Variants in AARS1 observed in about 807,000 individuals in gnomAD.
The protein encoded by AARS1 is alanyl-tRNA synthetase 1, also known as alanine--tRNA ligase, cytoplasmic.
AARS1 carries 72 observed loss-of-function variants against 108.9 expected under a neutral mutation model. The ratio of observed to expected loss-of-function variants is 0.66; its 90% CI spans 0.55 to 0.80. The LOEUF is 0.80. Among genes scored for constraint, AARS1 ranks in the 30% least tolerant of loss-of-function variants. AARS1 has a pLI of 0.00. For synonymous variants in AARS1, 489 were observed against 465.7 expected (o/e 1.05, Z -0.64); for missense variants, 1,193 against 1,233.2 (o/e 0.97, Z 0.49).
At chr16:70,255,628 A>G in intron 16 of AARS1, 100 bp downstream of exon 16, 1 of 1,094,164 alleles carries the variant, frequency 9.1e-7, no homozygotes, top group Non-Finnish European at 1.4e-6. Context: ...TTTCACTCTG[A>G]CTGCAGCAGC....
rs757167895 is a variant in AARS1, at chr16:70,277,087, T to C, written c.212A>G (p.Asn71Ser). 5 of 1,614,168 alleles carry C rather than the reference T, an allele frequency of 3.1e-6. No homozygotes were observed. Among genetic ancestry groups the C allele is most frequent in the Non-Finnish European group, 4.2e-6 (5 of 1,180,026 alleles). The change falls in exon 3 of 21, where the codon AAT (asparagine) becomes AGT (serine). Residue 71 changes from asparagine (N) to serine (S), a missense_variant. By Grantham distance (46) the Asn-to-Ser change is conservative (BLOSUM62 1). Coordinates refer to ENST00000261772, the MANE Select transcript of AARS1 (RefSeq NM_001605.3). ...HPMAKLSRAA[N>S]TQKCIRAGGK... ...CCCAGCCCGGATGCACTTCTGGGTA[T>C]TGGCAGCTCTGCTCAGCTTTGCCAT...
At chr16:70,276,853 A>T in intron 3 of AARS1, 113 bp downstream of exon 3, 1 of 1,312,198 alleles carries the variant, frequency 7.6e-7, no homozygotes, top group Middle Eastern at 2.1e-4. Flanking sequence ...TTCATTCCTG[A>T]ATCACCTAGA....
chr16:70,254,224 G>C (rs933124241), intron 17 of AARS1, among the ~76,000 whole-genome samples, 186 bp from the exon 18 acceptor site: 69 of 152,228 alleles, frequency 4.5e-4, no homozygotes, highest in African/African-American at 1.6e-3. Flanking sequence ...AGAGAGAAAG[G>C]AGCAGCAGAA....
Position 70,279,295 on chromosome 16 carries a change from G to C in AARS1, c.145-2141C>G, listed in dbSNP as rs1038157144. ...GAACCTGGGAGGCAGAGGTTGCAGT[G>C]AGCTGAGATTGCGTCACTGAATTCC... On this transcript the variant is annotated intron_variant, in intron 2 of 20. Transcript: ENST00000261772. Among the ~76,000 whole-genome samples, 8 of 141,380 alleles carry C rather than the reference G, an allele frequency of 5.7e-5. No homozygotes were observed. In the East Asian group the frequency reaches 1.1e-3, roughly 20 times the overall value. The allele number at this position is 141,380 out of a possible 152,430, so 92.8% of individuals were successfully genotyped here. A position where few individuals can be genotyped will look rare whatever the true frequency, so the allele number is the denominator to read the frequency against.
At chr16:70,288,098 C>CT (rs34369477) in intron 1 of AARS1, among the ~76,000 whole-genome samples, 13,547 of 83,908 alleles carry the variant, frequency 0.16, 1,381 homozygotes, top group South Asian at 0.24. Context: ...TCCCCTTCTT[C>CT]TTTTTTTTTT....
chr16:70,257,427 A>C (rs762305381), intron 15 of AARS1, among the ~76,000 whole-genome samples: 11 of 151,766 alleles, frequency 7.2e-5, no homozygotes, highest in Non-Finnish European at 1.6e-4. Flanking sequence ...AAAAACAAAC[A>C]AAAAAAACCA....
intron 2 of AARS1, 58 bp downstream of exon 2, chr16:70,282,562 C>G: frequency 6.2e-7 from 1 of 1,604,138 alleles, no homozygotes; most frequent in Non-Finnish European, 8.5e-7. Flanking sequence ...GTGCTTTTAT[C>G]TGGGCTCTGC....
intron 5 of AARS1, among the ~76,000 whole-genome samples, chr16:70,271,320 G>C (rs1310810837): frequency 1.3e-5 from 2 of 152,030 alleles, no homozygotes; most frequent in African/African-American, 4.8e-5. Context: ...CCTGAGGTTG[G>C]GAGTTCGAGA....
chr16:70,275,537 C>A (rs1384187631), intron 4 of AARS1, among the ~76,000 whole-genome samples: 1 of 151,368 alleles, frequency 6.6e-6, no homozygotes, highest in Non-Finnish European at 1.5e-5. Flanking sequence ...CCGAGGCAGG[C>A]GGATCACGAG....
At chr16:70,259,617 G>C (rs763680202) in intron 13 of AARS1, among the ~76,000 whole-genome samples, 3 of 151,890 alleles carry the variant, frequency 2.0e-5, no homozygotes, top group Non-Finnish European at 4.4e-5. Flanking sequence ...CAAGTAGCTG[G>C]GACTACAGGC....
chr16:70,259,038 G>C lies in AARS1; in HGVS notation c.1934C>G (p.Ser645Cys). Residue 645 changes from serine (S) to cysteine (C), a missense_variant, in exon 14 of 21, where the codon TCC (serine) becomes TGC (cysteine). By Grantham distance (112) the Ser-to-Cys change is moderately radical (BLOSUM62 -1). Transcript: ENST00000261772. Reference protein sequence around the residue: ...RFDFTAKGAMSTQQIKKAEEI... With the variant: ...RFDFTAKGAMCTQQIKKAEEI... ...TTCAGCCTTCTTGATCTGTTGGGTGGACATGGCTCCCTTGGCAGTAAAGTC... is the reference window on the plus strand; with the variant it reads ...TTCAGCCTTCTTGATCTGTTGGGTGCACATGGCTCCCTTGGCAGTAAAGTC... 1 of 1,614,166 alleles carries C rather than the reference G, an allele frequency of 6.2e-7. No homozygotes were observed. Among genetic ancestry groups the C allele is most frequent in the Non-Finnish European group, 8.5e-7 (1 of 1,180,034 alleles).
chr16:70,286,760 G>A (rs1221091033), intron 1 of AARS1, among the ~76,000 whole-genome samples: 4 of 151,686 alleles, frequency 2.6e-5, no homozygotes, highest in African/African-American at 7.3e-5. Context: ...CAGGAGAATC[G>A]CTTGAACCTG....
At chr16:70,276,776 A>G in intron 3 of AARS1, 145 bp from the exon 4 acceptor site, 1 of 1,192,620 alleles carries the variant, frequency 8.4e-7, no homozygotes, top group East Asian at 2.5e-5. Flanking sequence ...TAAGAAATCC[A>G]AATATATACT....
chr16:70,272,574 G>T (rs957136890), intron 4 of AARS1, among the ~76,000 whole-genome samples: 1 of 145,620 alleles, frequency 6.9e-6, no homozygotes, highest in Non-Finnish European at 1.5e-5. Flanking sequence ...TCTCAAGAGT[G>T]CCTACAATAG....
intron 10 of AARS1, 169 bp from the exon 11 acceptor site, chr16:70,265,271 T>C (rs1960235429): frequency 5.9e-6 from 6 of 1,023,828 alleles, no homozygotes; most frequent in East Asian, 5.1e-5. Context: ...GAAACTTCTC[T>C]TGCAGTGTGG....
chr16:70,285,233 A>C (rs1298042988), intron 1 of AARS1, among the ~76,000 whole-genome samples: 1 of 152,092 alleles, frequency 6.6e-6, no homozygotes, highest in African/African-American at 2.4e-5. Context: ...CGTCTAAAAA[A>C]AAAAAAAAAG....
intron 4 of AARS1, among the ~76,000 whole-genome samples, chr16:70,275,470 A>T (rs998721094): frequency 7.5e-5 from 11 of 147,088 alleles, no homozygotes; most frequent in Non-Finnish European, 1.2e-4. Context: ...TATATATATA[A>T]AAAAACAATT....
In AARS1 at chr16:70,282,759, TC is replaced by T; in HGVS notation, c.4del (p.Asp2ThrfsTer4). 1.9e-6 allele frequency: 3 copies of T among 1,613,420 alleles called. No homozygotes were observed. The highest frequency in any genetic ancestry group is 2.5e-6 in the Non-Finnish European group (3 of 1,179,908). On this transcript the variant is annotated frameshift_variant, in exon 2 of 21. Coordinates refer to ENST00000261772, the MANE Select transcript of AARS1 (RefSeq NM_001605.3). LOFTEE classifies it high-confidence loss of function. M[D>X]STLTASEIRQ... is the part of the protein sequence containing the mutation. ...GATTTCACTTGCTGTTAGAGTAGAGTCCATCTTGAAAGTCACCCCAAAGAAC... is the reference window on the plus strand; with the variant it reads ...GATTTCACTTGCTGTTAGAGTAGAGTCATCTTGAAAGTCACCCCAAAGAAC...
At chr16:70,264,868 G>T in intron 11 of AARS1, 90 bp downstream of exon 11, 3 of 1,531,214 alleles carry the variant, frequency 2.0e-6, no homozygotes, top group Non-Finnish European at 2.7e-6. Flanking sequence ...TCAGCAGTCT[G>T]CTGGAGAGCT....
Sources: allele counts gnomAD v4.1 joint callset (sites outside exome capture counted in the v4.1 genomes callset), GRCh38; gene constraint gnomAD v4.1.1; transcripts MANE v1.5; gene names NCBI Gene and HGNC (gene_info 2026-07-23, HGNC 2026-07-21).